Variants in SREBF2 observed in about 807,000 individuals in gnomAD.
SREBF2 encodes the protein sterol regulatory element binding transcription factor 2, also known as sterol regulatory element-binding protein 2.
A neutral mutation model predicts 113.1 loss-of-function variants in SREBF2; 55 were observed. The ratio of observed to expected loss-of-function variants is 0.49; its 90% CI spans 0.39 to 0.61. SREBF2 has a LOEUF of 0.61. SREBF2 is among the 20% of genes least tolerant of loss of function. The pLI, the probability that SREBF2 is intolerant of heterozygous loss-of-function variation, is 0.00. For missense variants in SREBF2, 1,349 were observed against 1,487.4 expected, an observed-to-expected ratio of 0.91 and a Z score of 1.53; for synonymous variants, 593 against 605.7, an observed-to-expected ratio of 0.98 and a Z score of 0.31.
rs1569363995 is a variant in SREBF2, at chr22:41,833,521, G to A, written c.88+163G>A. 1.9e-6 allele frequency: 1 copy of A among 540,078 alleles called. No individual in the cohort carries two copies. Among genetic ancestry groups the A allele is most frequent in the Non-Finnish European group, 3.1e-6 (1 of 324,764 alleles). The allele number at this position is 540,078 out of a possible 1,614,324, so 33.5% of individuals were successfully genotyped here. On this transcript the variant is annotated intron_variant, in intron 1 of 18. Coordinates refer to ENST00000361204, the MANE Select transcript of SREBF2 (RefSeq NM_004599.4). The surrounding 1 kb of genome is among the most constrained non-coding windows in gnomAD (Gnocchi z 4.1). ...CGGTCCTCAACCCTTCCGGCGCTGC[G>A]AGCGTGAGCCCGACCCAGCTGCGCC...
intron 10 of SREBF2, among the ~76,000 whole-genome samples, chr22:41,882,510 T>C (rs2077256813): frequency 6.6e-6 from 1 of 152,038 alleles, no homozygotes. Context: ...AACACCCTCA[T>C]CTAAAGAACA....
rs2076737847 is a variant in SREBF2 at position 41,833,612 on chromosome 22, A to G, written c.88+254A>G. ...AAGCGGCGCGAGGGTCGCGGGTTCCAGAGCGCGGGGCTAGGGACGTCGCGG... is the reference window on the plus strand; with the variant it reads ...AAGCGGCGCGAGGGTCGCGGGTTCCGGAGCGCGGGGCTAGGGACGTCGCGG... On this transcript the variant is annotated intron_variant, in intron 1 of 18. Coordinates refer to ENST00000361204, the MANE Select transcript of SREBF2 (RefSeq NM_004599.4). The surrounding 1 kb of genome is among the most constrained non-coding windows in gnomAD (Gnocchi z 4.1). 4.9e-6 allele frequency: 2 copies of G among 404,696 alleles called. No homozygotes were observed. Among genetic ancestry groups the G allele is most frequent in the African/African-American group, 4.2e-5 (2 of 47,296 alleles). 25.1% of individuals were successfully genotyped at this position (404,696 alleles called of 1,614,324 possible). A position where few individuals can be genotyped will look rare whatever the true frequency, so the allele number is the denominator to read the frequency against.
At chr22:41,876,826 C>G (rs904547262) in intron 7 of SREBF2, among the ~76,000 whole-genome samples, 1 of 152,184 alleles carries the variant, frequency 6.6e-6, no homozygotes, top group Non-Finnish European at 1.5e-5. Context: ...CTCTTTTGTA[C>G]ACCTTTGCAG....
At chr22:41,897,574 T>C (rs2077428028) in intron 14 of SREBF2, among the ~76,000 whole-genome samples, 1 of 152,200 alleles carries the variant, frequency 6.6e-6, no homozygotes, top group Admixed American at 6.5e-5. Flanking sequence ...CTACCACTCC[T>C]CAGCCCCTCA....
At chr22:41,875,482 C>G in intron 6 of SREBF2, 31 bp downstream of exon 6, 2 of 1,614,212 alleles carry the variant, frequency 1.2e-6, no homozygotes, top group Non-Finnish European at 1.7e-6. Flanking sequence ...CTTGTCAGCC[C>G]TGGCCCAGGT....
At chr22:41,899,213 G>C in intron 15 of SREBF2, 1 of 1,095,370 alleles carries the variant, frequency 9.1e-7, no homozygotes, top group Non-Finnish European at 1.1e-6. Context: ...CTGTGTGCTA[G>C]CATTTTATCC....
At position 41,906,326 on chromosome 22, in the gene SREBF2, G is replaced by A. The variant is rs2077509093; in HGVS notation, c.*666G>A. ...GCCTGCGGATGCATGAAATAATGTT[G>A]GCATTATTTTTTAATTTTTTAAAAA... On this transcript the variant is annotated 3_prime_UTR_variant, in exon 19 of 19. Coordinates refer to ENST00000361204, the MANE Select transcript of SREBF2 (RefSeq NM_004599.4). 5.0e-6 allele frequency: 1 copy of A among 199,346 alleles called. No individual in the cohort carries two copies. Among genetic ancestry groups the A allele is most frequent in the Non-Finnish European group, 1.0e-5 (1 of 95,892 alleles). 12.3% of individuals were successfully genotyped at this position (199,346 alleles called of 1,614,324 possible).
Position 41,904,990 on chromosome 22 carries a change from C to A in SREBF2, c.3205+16C>A, listed in dbSNP as rs1370403156. The A allele has an allele frequency of 6.4e-7, 1 of 1,573,262 alleles. No individual in the cohort carries two copies. On this transcript the variant is annotated intron_variant, in intron 18 of 18. Transcript: ENST00000361204. ...ACCAAGCACGGTGAGTCCACCCCTC[C>A]CCAGCTCACAGGCTGGGCCAGGCCC...
chr22:41,839,660 A>G (rs2076809492), intron 1 of SREBF2, among the ~76,000 whole-genome samples: 1 of 152,210 alleles, frequency 6.6e-6, no homozygotes, highest in South Asian at 2.1e-4. Flanking sequence ...CCTGTTCTGG[A>G]CAACTCATAA....
chr22:41,879,785 T>A (rs1245998114), intron 9 of SREBF2, among the ~76,000 whole-genome samples: 1 of 152,156 alleles, frequency 6.6e-6, no homozygotes. Flanking sequence ...TTTCCAGCAG[T>A]GAGAGAGAGA....
At position 41,892,280 on chromosome 22, in the gene SREBF2, G is replaced by A. The variant is rs568541666; in HGVS notation, c.2209-837G>A. 7.2e-5 allele frequency among the ~76,000 whole-genome samples: 11 copies of A among 152,272 alleles called. No individual in the cohort carries two copies. The South Asian group carries it at 1.2e-3, about 17-fold the overall frequency. ...CCGAGCACTGTTCTAAACTTTACAC[G>A]CAAAGTAAAAGTAAAAGAAAAATTA... On this transcript the variant is annotated intron_variant, in intron 11 of 18. Transcript: ENST00000361204.
chr22:41,843,454 C>G (rs949109407), intron 1 of SREBF2, among the ~76,000 whole-genome samples: 1 of 152,214 alleles, frequency 6.6e-6, no homozygotes, highest in Non-Finnish European at 1.5e-5. Context: ...AACCTACATT[C>G]GTCTCATAAT....
intron 1 of SREBF2, among the ~76,000 whole-genome samples, chr22:41,852,341 A>C (rs935451755): frequency 3.9e-5 from 6 of 152,168 alleles, no homozygotes; most frequent in Admixed American, 3.9e-4. Flanking sequence ...CAAGGAAATT[A>C]ATTAATTTTT....
In SREBF2 at chr22:41,862,442, G is replaced by T. The variant is rs139764523; in HGVS notation, c.89-4389G>T. 4.4e-3 allele frequency among the ~76,000 whole-genome samples: 668 copies of T among 152,326 alleles called. 4 individuals are homozygous for T. Among genetic ancestry groups the T allele is most frequent in the African/African-American group, 0.016 (649 of 41,572 alleles). On this transcript the variant is annotated intron_variant, in intron 1 of 18. Transcript: ENST00000361204. ...AGGGGAGTGAGATGAGCTTGAGCGT[G>T]CCAGCCTAGCTCGTGGGAGGCCTGT...
intron 17 of SREBF2, 48 bp downstream of exon 17, chr22:41,903,203 G>A (rs1362298223): frequency 1.9e-6 from 3 of 1,540,438 alleles, no homozygotes; most frequent in East Asian, 2.4e-5. Flanking sequence ...AGCCTGTGGG[G>A]CCTGAGCCCA....
intron 1 of SREBF2, among the ~76,000 whole-genome samples, chr22:41,847,950 C>G (rs2076893137): frequency 6.9e-6 from 1 of 144,498 alleles, no homozygotes. Context: ...GAGTCTCGCT[C>G]TGTCGCCCAG....
At chr22:41,899,047 C>A in intron 15 of SREBF2, 1 of 604,434 alleles carries the variant, frequency 1.7e-6, no homozygotes, top group Non-Finnish European at 2.7e-6. Flanking sequence ...TCCCTGCAGC[C>A]TTCATGGCGC....
Position 41,896,967 on chromosome 22 carries a change from G to A in SREBF2, c.2496-85G>A, listed in dbSNP as rs563198273. On this transcript the variant is annotated intron_variant, in intron 13 of 18. Coordinates refer to ENST00000361204, the MANE Select transcript of SREBF2 (RefSeq NM_004599.4). ...GGACAGAAATGGCCATTGGGTCTTA[G>A]AGCTGGAGAGCTGAACAGCTAGGCC... is the stretch of plus-strand genomic sequence containing the variant. 3 of 941,100 alleles carry A rather than the reference G, an allele frequency of 3.2e-6. No individual in the cohort carries two copies. The African/African-American group carries it at 4.8e-5, about 15-fold the overall frequency. The allele number at this position is 941,100 out of a possible 1,614,324, so 58.3% of individuals were successfully genotyped here. A position where few individuals can be genotyped will look rare whatever the true frequency, so the allele number is the denominator to read the frequency against.
rs1445932321 is a variant in SREBF2, at chr22:41,864,323, A to ATATTT, written c.89-2507_89-2506insATTTT. 7.3e-4 allele frequency among the ~76,000 whole-genome samples: 57 copies of ATATTT among 77,920 alleles called. 2 individuals carry two copies. Among genetic ancestry groups the ATATTT allele is most frequent in the African/African-American group, 3.1e-3 (55 of 17,968 alleles). The allele number at this position is 77,920 out of a possible 152,430, so 51.1% of individuals were successfully genotyped here. On this transcript the variant is annotated intron_variant, in intron 1 of 18. Transcript: ENST00000361204. ...TATATATATATGTATATATATATAT[A>ATATTT]TTTTTTTTTTTTTTTGAGACTGAGT...
Sources: gnomAD v4.1 joint callset for allele counts (sites outside exome capture counted in the v4.1 genomes callset) on GRCh38, gnomAD v4.1.1 for gene constraint, Gnocchi (gnomAD v3.1) non-coding constraint, MANE v1.5 for transcripts, NCBI Gene and HGNC (gene_info 2026-07-23, HGNC 2026-07-21) for gene names.